Variants in BMAL1 observed in about 807,000 individuals in gnomAD.
The protein encoded by BMAL1 is basic helix-loop-helix ARNT-like protein 1.
chr11:13,337,613 T>C, the BMAL1 span, among the ~76,000 whole-genome samples: 1 of 152,224 alleles, frequency 6.6e-6, no homozygotes, highest in Non-Finnish European at 1.5e-5. Context: ...ACTGGTATTA[T>C]CTTTAAATAG....
the BMAL1 span, among the ~76,000 whole-genome samples, chr11:13,362,819 C>T: frequency 6.6e-6 from 1 of 152,090 alleles, no homozygotes; most frequent in South Asian, 2.1e-4. Context: ...AGGCCCCATG[C>T]TTGGTTTAAT....
chr11:13,344,661 G>A, the BMAL1 span, among the ~76,000 whole-genome samples: 2 of 152,214 alleles, frequency 1.3e-5, no homozygotes, highest in Non-Finnish European at 2.9e-5. Context: ...CTGTTGCAAA[G>A]CAAGGCTCGC....
the BMAL1 span, among the ~76,000 whole-genome samples, chr11:13,330,391 G>C: frequency 6.6e-6 from 1 of 152,170 alleles, no homozygotes; most frequent in African/African-American, 2.4e-5. Context: ...CTAAAATCTC[G>C]ATTTATTTTT....
the BMAL1 span, among the ~76,000 whole-genome samples, chr11:13,333,158 G>T: frequency 6.6e-6 from 1 of 152,020 alleles, no homozygotes; most frequent in African/African-American, 2.4e-5. Context: ...GTAGAGACGG[G>T]GTTTTGCCAT....
the BMAL1 span, chr11:13,357,153 C>T: frequency 6.2e-7 from 1 of 1,607,060 alleles, no homozygotes; most frequent in Non-Finnish European, 8.5e-7. The surrounding 1 kb of genome is among the most constrained non-coding windows in gnomAD (Gnocchi z 4.8). Flanking sequence ...GCTTAGAGAG[C>T]AGCTGAGGAG....
chr11:13,315,842 G>A, the BMAL1 span, among the ~76,000 whole-genome samples: 3 of 152,164 alleles, frequency 2.0e-5, no homozygotes, highest in Non-Finnish European at 2.9e-5. Flanking sequence ...GCTGCTTCTT[G>A]CCTTTTGCAT....
chr11:13,379,899 CA>C, the BMAL1 span: 1 of 152,182 alleles, frequency 6.6e-6, no homozygotes, highest in Non-Finnish European at 1.5e-5. Context: ...TGTAAGACCC[CA>C]TTTGTTGTAG....
the BMAL1 span, among the ~76,000 whole-genome samples, chr11:13,348,350 G>T: frequency 1.3e-5 from 2 of 152,212 alleles, no homozygotes; most frequent in Non-Finnish European, 2.9e-5. Flanking sequence ...TTGTTTGGAA[G>T]ACTTAGGGGG....
the BMAL1 span, among the ~76,000 whole-genome samples, chr11:13,336,944 A>G: frequency 6.6e-6 from 1 of 152,210 alleles, no homozygotes; most frequent in African/African-American, 2.4e-5. Flanking sequence ...AATCTTTTCT[A>G]TGATATTGAT....
chr11:13,301,127 G>T, the BMAL1 span, among the ~76,000 whole-genome samples: 1 of 152,100 alleles, frequency 6.6e-6, no homozygotes, highest in Non-Finnish European at 1.5e-5. Context: ...AGTAGAAATG[G>T]GGTTTCACCA....
chr11:13,344,281 T>TA, the BMAL1 span, among the ~76,000 whole-genome samples: 1 of 152,138 alleles, frequency 6.6e-6, no homozygotes, highest in Non-Finnish European at 1.5e-5. Flanking sequence ...GCTCCACTAA[T>TA]ACAAAAAAAG....
the BMAL1 span, among the ~76,000 whole-genome samples, chr11:13,383,423 G>A: frequency 6.6e-6 from 1 of 152,240 alleles, no homozygotes; most frequent in South Asian, 2.1e-4. Flanking sequence ...CATACTAAAA[G>A]CACGGTTGGG....
At chr11:13,386,755 A>G in the BMAL1 span, 3 of 1,613,788 alleles carry the variant, frequency 1.9e-6, no homozygotes, top group African/African-American at 1.3e-5. Flanking sequence ...TGGCCGCTGT[A>G]AACACTACAT....
At chr11:13,281,953 C>T in the BMAL1 span, among the ~76,000 whole-genome samples, 2 of 152,198 alleles carry the variant, frequency 1.3e-5, no homozygotes, top group Non-Finnish European at 2.9e-5. Context: ...TCACACTGTC[C>T]GTGGCCTGGG....
the BMAL1 span, among the ~76,000 whole-genome samples, chr11:13,289,753 G>A: frequency 6.6e-6 from 1 of 152,188 alleles, no homozygotes; most frequent in East Asian, 1.9e-4. Context: ...TGGTACATGT[G>A]TGCCACATTT....
the BMAL1 span, among the ~76,000 whole-genome samples, chr11:13,360,934 G>A: frequency 6.6e-6 from 1 of 152,294 alleles, no homozygotes; most frequent in Non-Finnish European, 1.5e-5. Context: ...TGGCCAACAT[G>A]TTGAAACCCT....
At chr11:13,343,904 C>G in the BMAL1 span, among the ~76,000 whole-genome samples, 4 of 152,166 alleles carry the variant, frequency 2.6e-5, no homozygotes. Flanking sequence ...GCAGGATCCT[C>G]TCAACTGATC....
At chr11:13,364,721 A>G in the BMAL1 span, among the ~76,000 whole-genome samples, 2 of 152,170 alleles carry the variant, frequency 1.3e-5, no homozygotes, top group Non-Finnish European at 2.9e-5. Flanking sequence ...CAGTCTCTTT[A>G]CCAAATGTTG....
the BMAL1 span, among the ~76,000 whole-genome samples, chr11:13,297,507 G>A: frequency 8.5e-5 from 13 of 152,356 alleles, no homozygotes; most frequent in African/African-American, 1.7e-4. Context: ...CAGTTGCTCC[G>A]GTGCAGGGAG....
Sources: gnomAD v4.1 joint callset for allele counts (sites outside exome capture counted in the v4.1 genomes callset) on GRCh38, gnomAD v4.1.1 for gene constraint, Gnocchi (gnomAD v3.1) non-coding constraint, MANE v1.5 for transcripts, NCBI Gene and HGNC (gene_info 2026-07-23, HGNC 2026-07-21) for gene names.